ZMYND8: variants seen among roughly 807,000 people sequenced by gnomAD.
ZMYND8 encodes MYND-type zinc finger-containing chromatin reader ZMYND8.
ZMYND8 carries 37 observed loss-of-function variants against 140.8 expected under a neutral mutation model. That is an observed-to-expected ratio of 0.26 (90% CI 0.20 to 0.35). ZMYND8 has a LOEUF of 0.35. ZMYND8 is among the 10% of genes least tolerant of loss of function. The probability of loss-of-function intolerance (pLI) is 1.00; values close to 1 mark genes in which losing one functional copy is unlikely to be tolerated. For missense variants in ZMYND8, 1,068 were observed against 1,570.0 expected (o/e 0.68, Z 5.40); for synonymous variants, 592 against 597.1 (o/e 0.99, Z 0.12).
intron 1 of ZMYND8, chr20:47,352,598 G>GTC: frequency 1.1e-6 from 1 of 950,242 alleles, no homozygotes; most frequent in Non-Finnish European, 1.3e-6. Flanking sequence ...ACTGTTACAG[G>GTC]TCTGAGCATT....
At chr20:47,344,355 C>T (rs929107265) in intron 2 of ZMYND8, among the ~76,000 whole-genome samples, 15 of 152,180 alleles carry the variant, frequency 9.9e-5, no homozygotes, top group African/African-American at 3.6e-4. Flanking sequence ...CTGTAGTCTT[C>T]TTCCTCCCCA....
At chr20:47,299,679 G>C (rs918809257) in intron 3 of ZMYND8, among the ~76,000 whole-genome samples, 1 of 152,094 alleles carries the variant, frequency 6.6e-6, no homozygotes, top group Admixed American at 6.5e-5. Context: ...TGCCTCCCGG[G>C]TTCAAGCCAT....
chr20:47,259,688 T>C (rs758222571), intron 12 of ZMYND8, among the ~76,000 whole-genome samples: 8 of 152,056 alleles, frequency 5.3e-5, no homozygotes, highest in Non-Finnish European at 7.4e-5. Flanking sequence ...ATCCTCAATG[T>C]CCCAGGGGCC....
intron 4 of ZMYND8, among the ~76,000 whole-genome samples, chr20:47,295,908 GA>G (rs750617610): frequency 1.2e-4 from 18 of 151,916 alleles, no homozygotes; most frequent in Non-Finnish European, 2.4e-4. Flanking sequence ...GGAGAGCTGA[GA>G]AAAGTTTTCT....
rs187878122 is a variant in ZMYND8 at position 47,238,724 on chromosome 20, G to A, written c.2665+34C>T. ...CTGTCGATGTGGCAAAATGGGAGCG[G>A]GCGCCACGGAGAACAGAAGGGGAGG... On this transcript the variant is annotated intron_variant, in intron 15 of 22. Coordinates refer to ENST00000471951, the MANE Select transcript of ZMYND8 (RefSeq NM_001281775.3). 4.5e-4 allele frequency: 708 copies of A among 1,584,414 alleles called. 1 individual carries two copies. The highest frequency in any genetic ancestry group is 5.5e-4 in the Non-Finnish European group (642 of 1,165,940).
chr20:47,294,857 A>G, intron 4 of ZMYND8, 78 bp from the exon 5 acceptor site: 2 of 1,368,422 alleles, frequency 1.5e-6, no homozygotes, highest in South Asian at 1.2e-5. Flanking sequence ...CTATTTTTTC[A>G]GTCAACTGAC....
At chr20:47,352,423 A>G (rs998751649) in intron 1 of ZMYND8, 39 of 978,298 alleles carry the variant, frequency 4.0e-5, no homozygotes, top group Non-Finnish European at 8.5e-6. Context: ...AGACAATCCG[A>G]GTCTGCAGAG....
intron 10 of ZMYND8, among the ~76,000 whole-genome samples, chr20:47,281,764 T>C (rs777239801): frequency 1.3e-5 from 2 of 152,174 alleles, no homozygotes; most frequent in Admixed American, 6.5e-5. Flanking sequence ...GCAGTTTCCA[T>C]GGAGGTTTAA....
At chr20:47,283,389 C>T (rs1045874562) in intron 9 of ZMYND8, among the ~76,000 whole-genome samples, 182 bp downstream of exon 9, 2 of 152,162 alleles carry the variant, frequency 1.3e-5, no homozygotes, top group Non-Finnish European at 2.9e-5. Flanking sequence ...CATGAACTTT[C>T]AGCCTAAGAG....
At chr20:47,257,259 A>G (rs1440076728) in intron 12 of ZMYND8, among the ~76,000 whole-genome samples, 1 of 152,118 alleles carries the variant, frequency 6.6e-6, no homozygotes, top group Non-Finnish European at 1.5e-5. Flanking sequence ...ATAGTCATAT[A>G]CCATACACAC....
At chr20:47,286,737 C>G (rs909163148) in intron 8 of ZMYND8, among the ~76,000 whole-genome samples, 4 of 152,212 alleles carry the variant, frequency 2.6e-5, no homozygotes, top group African/African-American at 9.6e-5. Flanking sequence ...CCTCACAGCT[C>G]ACACGCCTAA....
chr20:47,302,183 A>T (rs1359270426), intron 3 of ZMYND8, among the ~76,000 whole-genome samples: 5 of 122,252 alleles, frequency 4.1e-5, no homozygotes, highest in Admixed American at 9.4e-5. Flanking sequence ...ACATAAATGA[A>T]TTTTATGTTT....
At chr20:47,333,137 A>G (rs1395197822) in intron 2 of ZMYND8, among the ~76,000 whole-genome samples, 1 of 152,098 alleles carries the variant, frequency 6.6e-6, no homozygotes, top group African/African-American at 2.4e-5. Context: ...ACTTGAGCCC[A>G]AGAGTTCCAG....
At chr20:47,315,113 G>GA (rs953291620) in intron 2 of ZMYND8, among the ~76,000 whole-genome samples, 41 of 151,698 alleles carry the variant, frequency 2.7e-4, no homozygotes, top group Middle Eastern at 6.8e-3. Context: ...GAGAAAGTGG[G>GA]AAAAAAAATC....
chr20:47,293,618 GCTCAGCTTC>G (rs1336949014), intron 5 of ZMYND8, among the ~76,000 whole-genome samples: 2 of 152,222 alleles, frequency 1.3e-5, no homozygotes, highest in Non-Finnish European at 2.9e-5. Context: ...ACTGTGTTGT[GCTCAGCTTC>G]CTCATTGAAA....
intron 10 of ZMYND8, among the ~76,000 whole-genome samples, chr20:47,281,044 A>G (rs1214620506): frequency 2.0e-5 from 3 of 152,316 alleles, no homozygotes; most frequent in African/African-American, 7.2e-5. Context: ...ACATGGGCAG[A>G]AACATTTGAA....
chr20:47,220,448 T>G, intron 20 of ZMYND8, 124 bp from the exon 21 acceptor site: 1 of 818,432 alleles, frequency 1.2e-6, no homozygotes. Context: ...GTCCTCTGCC[T>G]GGCACGGTCA....
intron 22 of ZMYND8, among the ~76,000 whole-genome samples, chr20:47,212,405 G>A (rs762651483): frequency 5.3e-5 from 8 of 152,180 alleles, no homozygotes; most frequent in Non-Finnish European, 7.3e-5. Context: ...TATGAAAAGA[G>A]CGAGGACGAT....
rs191612119 is a variant in ZMYND8 at position 47,317,767 on chromosome 20, G to A, written c.86-7563C>T. ...GACAGAGAGGCAGGATGCCACAGTG[G>A]TGGGGAATCAGCTTTCTGGCGTCAA... is the stretch of plus-strand genomic sequence containing the variant. On this transcript the variant is annotated intron_variant, in intron 2 of 22. Transcript: ENST00000471951. Among the ~76,000 whole-genome samples the A allele has an allele frequency of 1.4e-3, 211 of 152,276 alleles. 2 individuals are homozygous for A. The Middle Eastern group carries it at 0.027, about 20-fold the overall frequency.
Sources: gnomAD v4.1 joint callset for allele counts (sites outside exome capture counted in the v4.1 genomes callset) on GRCh38, gnomAD v4.1.1 for gene constraint, MANE v1.5 for transcripts, NCBI Gene and HGNC (gene_info 2026-07-23, HGNC 2026-07-21) for gene names.